The following DAPK1 variants were observed in gnomAD, a reference collection of about 807,000 sequenced individuals.
DAPK1 encodes death associated protein kinase 1.
Under a neutral mutation model 144.9 loss-of-function variants are expected in DAPK1, and 56 were observed. The ratio of observed to expected loss-of-function variants is 0.39; its 90% CI spans 0.31 to 0.48. DAPK1 has a LOEUF of 0.48. DAPK1 is among the 20% of genes least tolerant of loss of function. The probability of loss-of-function intolerance (pLI) is 0.95; values close to 1 mark genes in which losing one functional copy is unlikely to be tolerated. For missense variants in DAPK1, 1,454 were observed against 1,875.4 expected, an observed-to-expected ratio of 0.78 and a Z score of 4.15; for synonymous variants, 690 against 749.0, an observed-to-expected ratio of 0.92 and a Z score of 1.29.
chr9:87,598,150 G>A (rs1474307961), intron 2 of DAPK1, among the ~76,000 whole-genome samples: 1 of 152,046 alleles, frequency 6.6e-6, no homozygotes, highest in Non-Finnish European at 1.5e-5. Context: ...TAATATTCTG[G>A]CAGAATTCAA....
At chr9:87,640,526 G>A (rs1398595726) in intron 8 of DAPK1, 76 bp downstream of exon 8, 1 of 1,485,470 alleles carries the variant, frequency 6.7e-7, no homozygotes, top group Non-Finnish European at 9.2e-7. Flanking sequence ...TCCATGCACA[G>A]GGCCACGTTC....
At chr9:87,678,841 G>C (rs1322683363) in intron 19 of DAPK1, among the ~76,000 whole-genome samples, 1 of 152,186 alleles carries the variant, frequency 6.6e-6, no homozygotes, top group Non-Finnish European at 1.5e-5. Flanking sequence ...TGCCACCTCA[G>C]ATTTCCACAG....
intron 19 of DAPK1, among the ~76,000 whole-genome samples, chr9:87,677,927 A>G (rs990563128): frequency 2.6e-5 from 4 of 152,204 alleles, no homozygotes; most frequent in Non-Finnish European, 5.9e-5. Context: ...GGGACAATTC[A>G]GAGCCCCATT....
intron 3 of DAPK1, among the ~76,000 whole-genome samples, chr9:87,607,645 G>A (rs1828777544): frequency 6.6e-6 from 1 of 152,082 alleles, no homozygotes; most frequent in African/African-American, 2.4e-5. Flanking sequence ...TAGTGTTGGA[G>A]GAGGGTTGTG....
At chr9:87,519,519 T>A (rs547928718) in intron 2 of DAPK1, among the ~76,000 whole-genome samples, 2 of 151,570 alleles carry the variant, frequency 1.3e-5, no homozygotes, top group South Asian at 4.2e-4. Flanking sequence ...TGGGAGTGTC[T>A]GGCTGATCAT....
rs533803881 is a variant in DAPK1 at position 87,590,733 on chromosome 9, G to T, written c.63-14221G>T. On this transcript the variant is annotated intron_variant, in intron 2 of 25. Coordinates refer to ENST00000408954, the MANE Select transcript of DAPK1 (RefSeq NM_004938.4). ...CTCCTAAGTAGCTAGGAATACAGGC[G>T]TGTACCACAAGCCCAGCTAATTTTT... is the stretch of plus-strand genomic sequence containing the variant. Among the ~76,000 whole-genome samples, 31 of 152,236 alleles carry T rather than the reference G, an allele frequency of 2.0e-4. No individual in the cohort carries two copies. In the East Asian group the frequency reaches 5.2e-3, roughly 26 times the overall value.
At chr9:87,525,350 G>A in intron 2 of DAPK1, 1 of 1,611,298 alleles carries the variant, frequency 6.2e-7, no homozygotes, top group Non-Finnish European at 8.5e-7. Context: ...ATTCGGCCAG[G>A]GTTCTCGCTC....
intron 19 of DAPK1, among the ~76,000 whole-genome samples, chr9:87,677,807 C>A (rs1824452211): frequency 6.6e-6 from 1 of 152,174 alleles, no homozygotes; most frequent in African/African-American, 2.4e-5. Context: ...CTTGGACTCA[C>A]AAGGAAGACC....
At chr9:87,579,152 C>T (rs569755783) in intron 2 of DAPK1, among the ~76,000 whole-genome samples, 8 of 152,276 alleles carry the variant, frequency 5.3e-5, no homozygotes, top group Admixed American at 1.3e-4. Context: ...CACTGATGCA[C>T]ACATTTCCCC....
At chr9:87,563,703 T>A in intron 2 of DAPK1, among the ~76,000 whole-genome samples, 2 of 152,160 alleles carry the variant, frequency 1.3e-5, no homozygotes, top group African/African-American at 4.8e-5. Context: ...GGTGAGGCTG[T>A]CAGCCCACCA....
chr9:87,576,187 T>C (rs915543309), intron 2 of DAPK1, among the ~76,000 whole-genome samples: 1 of 152,188 alleles, frequency 6.6e-6, no homozygotes, highest in African/African-American at 2.4e-5. Context: ...TGCACACACA[T>C]GCGTACACAC....
intron 2 of DAPK1, among the ~76,000 whole-genome samples, chr9:87,551,719 G>A (rs973938776): frequency 2.0e-5 from 3 of 152,174 alleles, no homozygotes; most frequent in African/African-American, 7.2e-5. Flanking sequence ...AAGGGAAGGT[G>A]AGGGGCCCAT....
intron 2 of DAPK1, among the ~76,000 whole-genome samples, chr9:87,582,875 G>A (rs1827800842): frequency 6.6e-6 from 1 of 151,988 alleles, no homozygotes; most frequent in African/African-American, 2.4e-5. Context: ...TTCTAATGGG[G>A]TCACTGTACC....
intron 2 of DAPK1, among the ~76,000 whole-genome samples, chr9:87,565,130 C>T (rs752581101): frequency 6.6e-6 from 1 of 152,142 alleles, no homozygotes; most frequent in African/African-American, 2.4e-5. Context: ...CCCGAGGTCA[C>T]GAATGCTCCA....
chr9:87,498,435 C>G (rs1437341273), intron 1 of DAPK1: 2 of 295,382 alleles, frequency 6.8e-6, no homozygotes, highest in South Asian at 3.2e-4. Flanking sequence ...GGCCGGGTAA[C>G]GGAGAGGGAG....
chr9:87,659,017 TG>T (rs1001783378), intron 18 of DAPK1, among the ~76,000 whole-genome samples: 1 of 152,230 alleles, frequency 6.6e-6, no homozygotes, highest in Admixed American at 6.5e-5. Context: ...GCCCAAGGTT[TG>T]TATTGGCCCT....
chr9:87,509,840 T>C (rs1824764854), intron 2 of DAPK1, among the ~76,000 whole-genome samples: 1 of 152,242 alleles, frequency 6.6e-6, no homozygotes, highest in Non-Finnish European at 1.5e-5. Context: ...CGCGGTTTCT[T>C]TTCCTTCTGC....
chr9:87,619,778 C>T (rs145427526), intron 3 of DAPK1, among the ~76,000 whole-genome samples: 127 of 152,282 alleles, frequency 8.3e-4, no homozygotes, highest in African/African-American at 2.8e-3. Context: ...ATGCTAGAGG[C>T]CAATGACAGT....
chr9:87,658,965 C>T (rs1439198831), intron 18 of DAPK1, among the ~76,000 whole-genome samples: 1 of 152,236 alleles, frequency 6.6e-6, no homozygotes, highest in African/African-American at 2.4e-5. Context: ...CCATATCCCG[C>T]TGCTGGTCTT....
Sources: gnomAD v4.1 joint callset for allele counts (sites outside exome capture counted in the v4.1 genomes callset) on GRCh38, gnomAD v4.1.1 for gene constraint, MANE v1.5 for transcripts, NCBI Gene and HGNC (gene_info 2026-07-23, HGNC 2026-07-21) for gene names.